Variants in GREB1L observed in about 807,000 individuals in gnomAD.
The protein encoded by GREB1L is GREB1 like retinoic acid receptor coactivator.
A neutral mutation model predicts 200.8 loss-of-function variants in GREB1L; 17 were observed. That is an observed-to-expected ratio of 0.08 (90% CI 0.06 to 0.13). The LOEUF is 0.13. Ranked by LOEUF, GREB1L falls within the 10% of genes least tolerant of loss-of-function variation. The probability of loss-of-function intolerance (pLI) is 1.00; values close to 1 mark genes in which losing one functional copy is unlikely to be tolerated. For synonymous variants in GREB1L, 789 were observed against 893.0 expected (o/e 0.88, Z 2.08); for missense variants, 1,657 against 2,367.7 (o/e 0.70, Z 6.23).
intron 15 of GREB1L, among the ~76,000 whole-genome samples, chr18:21,463,631 G>A (rs541356719): frequency 6.6e-6 from 1 of 152,166 alleles, no homozygotes; most frequent in Non-Finnish European, 1.5e-5. Flanking sequence ...AGGTTGGAGT[G>A]CAGTGGCATG....
At chr18:21,306,510 G>A (rs1415322620) in intron 1 of GREB1L, among the ~76,000 whole-genome samples, 1 of 152,170 alleles carries the variant, frequency 6.6e-6, no homozygotes, top group Non-Finnish European at 1.5e-5. Flanking sequence ...AACTTGATGT[G>A]TTATGTGCTT....
At chr18:21,418,941 G>A (rs1050912690) in intron 7 of GREB1L, among the ~76,000 whole-genome samples, 7 of 152,116 alleles carry the variant, frequency 4.6e-5, no homozygotes, top group East Asian at 1.9e-4. Flanking sequence ...GATGGACCTC[G>A]TATACAAAGG....
chr18:21,253,308 A>G (rs1472806359), intron 1 of GREB1L, among the ~76,000 whole-genome samples: 2 of 146,348 alleles, frequency 1.4e-5, no homozygotes, highest in South Asian at 2.2e-4. Flanking sequence ...GCTGGAATGC[A>G]ATGGCACGAT....
intron 1 of GREB1L, among the ~76,000 whole-genome samples, chr18:21,304,918 A>G (rs1252080457): frequency 1.3e-5 from 2 of 151,786 alleles, no homozygotes; most frequent in African/African-American, 2.4e-5. Context: ...TACAATGTCA[A>G]CTATCAGAGA....
chr18:21,516,195 G>A (rs893496617), intron 29 of GREB1L, among the ~76,000 whole-genome samples: 1 of 152,102 alleles, frequency 6.6e-6, no homozygotes, highest in African/African-American at 2.4e-5. Flanking sequence ...AAGAAGGCAG[G>A]AACCATAAAG....
intron 1 of GREB1L, among the ~76,000 whole-genome samples, chr18:21,314,695 T>G (rs2038841572): frequency 6.6e-6 from 1 of 152,266 alleles, no homozygotes. Context: ...TTAGGCTTTG[T>G]AAGCCAATCA....
At chr18:21,316,759 C>CTTTTTTT (rs1228861731) in intron 1 of GREB1L, 14 of 113,078 alleles carry the variant, frequency 1.2e-4, no homozygotes, top group East Asian at 2.6e-4. Flanking sequence ...ATGACTATGT[C>CTTTTTTT]TTTTTTTTTT....
intron 1 of GREB1L, among the ~76,000 whole-genome samples, chr18:21,242,782 G>C (rs1018522891): frequency 6.6e-6 from 1 of 152,150 alleles, no homozygotes; most frequent in Non-Finnish European, 1.5e-5. Flanking sequence ...GCCGAGTAGC[G>C]CGGGGTCCCC....
intron 29 of GREB1L, 128 bp from the exon 30 acceptor site, chr18:21,516,485 A>C: frequency 1.1e-6 from 1 of 880,128 alleles, no homozygotes; most frequent in South Asian, 1.9e-5. Context: ...TACGAGGGCC[A>C]GCTCCACAAA....
chr18:21,301,799 C>G (rs1421987260), intron 1 of GREB1L, among the ~76,000 whole-genome samples: 1 of 152,140 alleles, frequency 6.6e-6, no homozygotes, highest in African/African-American at 2.4e-5. Flanking sequence ...CAGCTCAGCT[C>G]AAACCAATTA....
Position 21,505,730 on chromosome 18 carries a change from G to A in GREB1L, c.4229-80G>A. 3 of 1,433,378 alleles carry A rather than the reference G, an allele frequency of 2.1e-6. No individual in the cohort carries two copies. The South Asian group carries it at 4.1e-5, about 20-fold the overall frequency. The allele number at this position is 1,433,378 out of a possible 1,614,324, so 88.8% of individuals were successfully genotyped here. A position where few individuals can be genotyped will look rare whatever the true frequency, so the allele number is the denominator to read the frequency against. ...ACAGAATACATGGAAAAGTCATTTT[G>A]GGGAAAGAGGGACTTTTCTTTCCAG... On this transcript the variant is annotated intron_variant, in intron 24 of 32. Coordinates refer to ENST00000424526, the MANE Select transcript of GREB1L (RefSeq NM_001142966.3).
chr18:21,301,634 A>C (rs770186497), intron 1 of GREB1L, among the ~76,000 whole-genome samples: 60 of 152,066 alleles, frequency 3.9e-4, no homozygotes, highest in Non-Finnish European at 7.8e-4. Flanking sequence ...TCCTAAGGAA[A>C]CTCTAGAAAT....
chr18:21,522,651 C>G lies in GREB1L; in HGVS notation c.5609-7C>G. The G allele has an allele frequency of 6.5e-7, 1 of 1,536,774 alleles. No homozygotes were observed. Among genetic ancestry groups the G allele is most frequent in the Non-Finnish European group, 8.8e-7 (1 of 1,140,462 alleles). On this transcript the variant is annotated splice_polypyrimidine_tract_variant and splice_region_variant and intron_variant, in intron 32 of 32. Coordinates refer to ENST00000424526, the MANE Select transcript of GREB1L (RefSeq NM_001142966.3). Reference sequence around the variant, plus strand: ...CCTAGGACATATTTCTGTCTTTTTTCCTGAAGGTGCTACACTGTGTGTCAT... The same window carrying G: ...CCTAGGACATATTTCTGTCTTTTTTGCTGAAGGTGCTACACTGTGTGTCAT...
intron 1 of GREB1L, among the ~76,000 whole-genome samples, chr18:21,293,891 T>G (rs750131926): frequency 6.6e-6 from 1 of 152,190 alleles, no homozygotes; most frequent in Non-Finnish European, 1.5e-5. Flanking sequence ...GTGATACTCA[T>G]ACCTCAGCCT....
chr18:21,304,230 A>C (rs1231985168), intron 1 of GREB1L, among the ~76,000 whole-genome samples: 2 of 151,094 alleles, frequency 1.3e-5, no homozygotes, highest in Non-Finnish European at 3.0e-5. Context: ...CCATATTATT[A>C]TTATTATTAT....
At chr18:21,513,618 G>A (rs541361975) in intron 27 of GREB1L, among the ~76,000 whole-genome samples, 119 of 152,302 alleles carry the variant, frequency 7.8e-4, no homozygotes, top group African/African-American at 2.8e-3. Context: ...CTCTAGTAAT[G>A]GACTCTTAAG....
At chr18:21,262,782 G>C (rs1026375768) in intron 1 of GREB1L, among the ~76,000 whole-genome samples, 13 of 152,126 alleles carry the variant, frequency 8.5e-5, no homozygotes, top group African/African-American at 3.1e-4. Context: ...TGATAAAGCA[G>C]TTTTCTCTGG....
intron 1 of GREB1L, among the ~76,000 whole-genome samples, chr18:21,252,512 G>C (rs1253127564): frequency 7.5e-6 from 1 of 134,184 alleles, no homozygotes; most frequent in Non-Finnish European, 1.5e-5. Flanking sequence ...AGCCGAGATC[G>C]CACCATTGCA....
chr18:21,321,762 A>G (rs1394320076), intron 1 of GREB1L, among the ~76,000 whole-genome samples: 1 of 152,222 alleles, frequency 6.6e-6, no homozygotes, highest in Non-Finnish European at 1.5e-5. Context: ...GAATTGTTCA[A>G]ATAATTTGTG....
Sources: gnomAD v4.1 joint callset for allele counts (sites outside exome capture counted in the v4.1 genomes callset) on GRCh38, gnomAD v4.1.1 for gene constraint, MANE v1.5 for transcripts, NCBI Gene and HGNC (gene_info 2026-07-23, HGNC 2026-07-21) for gene names.